Variants in GLIS1 observed in about 807,000 individuals in gnomAD.
The protein encoded by GLIS1 is GLIS family zinc finger 1, also known as zinc finger protein GLIS1.
In GLIS1, 24 loss-of-function variants were observed where a neutral mutation model predicts 63.8. The observed-to-expected ratio is 0.38, with a 90% CI of 0.27 to 0.53. The LOEUF (loss-of-function observed/expected upper bound fraction) is 0.53. GLIS1 is among the 20% of genes least tolerant of loss of function. GLIS1 has a pLI of 0.85. For synonymous variants in GLIS1, 450 were observed against 482.5 expected, an observed-to-expected ratio of 0.93 and a Z score of 0.88; for missense variants, 1,036 against 1,074.1, an observed-to-expected ratio of 0.96 and a Z score of 0.50.
chr1:53,597,331 C>T (rs530751653), intron 3 of GLIS1, among the ~76,000 whole-genome samples: 1 of 148,186 alleles, frequency 6.7e-6, no homozygotes, highest in African/African-American at 2.5e-5. Flanking sequence ...CGAGATGGCG[C>T]CATTGCACTC....
rs184275265 is a variant in GLIS1 at position 53,526,131 on chromosome 1, G to T, written c.1483-1244C>A. Among the ~76,000 whole-genome samples, 1 of 152,150 alleles carries T rather than the reference G, an allele frequency of 6.6e-6. No homozygotes were observed. The highest frequency in any genetic ancestry group is 2.4e-5 in the African/African-American group (1 of 41,420). ...CCTCTGCCCTGCTGGGACTGCAGGG[G>T]ACAGGAGAAGGATTGGAGGAAATGA... On this transcript the variant is annotated intron_variant, in intron 5 of 10. Transcript: ENST00000628545. The surrounding 1 kb of genome is among the most constrained non-coding windows in gnomAD (Gnocchi z 4.4).
intron 4 of GLIS1, among the ~76,000 whole-genome samples, chr1:53,563,518 C>T (rs1644910299): frequency 6.6e-6 from 1 of 152,090 alleles, no homozygotes; most frequent in Non-Finnish European, 1.5e-5. Flanking sequence ...GCAGATTAAA[C>T]ACAGGTAAGC....
intron 1 of GLIS1, among the ~76,000 whole-genome samples, chr1:53,738,331 A>G (rs1291484497): frequency 6.6e-6 from 1 of 152,086 alleles, no homozygotes; most frequent in Non-Finnish European, 1.5e-5. Context: ...GGAGGACCCC[A>G]GGCCCCCGCG....
chr1:53,519,082 C>CGA, intron 7 of GLIS1, among the ~76,000 whole-genome samples: 1 of 152,354 alleles, frequency 6.6e-6, no homozygotes, highest in East Asian at 1.9e-4. Flanking sequence ...ACACAGAGCT[C>CGA]CAAGTAGTCA....
rs758843944 is a variant in GLIS1, at chr1:53,506,782, A to G, written c.2231-6T>C. 3.7e-6 allele frequency: 6 copies of G among 1,607,280 alleles called. No homozygotes were observed. The Admixed American group carries it at 5.0e-5, about 13-fold the overall frequency. Reference sequence around the variant, plus strand: ...CTCAGCCAGGGCCTCATAGCCTGTGAGTGGTTGGGAAAGGGTCAGCGCTGG... The same window carrying G: ...CTCAGCCAGGGCCTCATAGCCTGTGGGTGGTTGGGAAAGGGTCAGCGCTGG... On this transcript the variant is annotated splice_polypyrimidine_tract_variant and splice_region_variant and intron_variant, in intron 10 of 10. Coordinates refer to ENST00000628545, the MANE Select transcript of GLIS1 (RefSeq NM_001367484.1).
intron 4 of GLIS1, among the ~76,000 whole-genome samples, chr1:53,563,846 GTTTTCTCTA>G (rs1283473633): frequency 1.3e-5 from 2 of 152,180 alleles, no homozygotes; most frequent in Non-Finnish European, 2.9e-5. Flanking sequence ...GAGACTGACA[GTTTTCTCTA>G]CAACAAAACA....
At chr1:53,633,720 G>A (rs758672724) in intron 2 of GLIS1, among the ~76,000 whole-genome samples, 2 of 152,012 alleles carry the variant, frequency 1.3e-5, no homozygotes, top group African/African-American at 2.4e-5. Flanking sequence ...GTTCTTGGGG[G>A]CTGTCTTATG....
In GLIS1 at chr1:53,560,023, G is replaced by A. The variant is rs1209480380; in HGVS notation, c.1321-30071C>T. Among the ~76,000 whole-genome samples the A allele has an allele frequency of 2.0e-5, 3 of 152,106 alleles. No individual in the cohort carries two copies. The South Asian group carries it at 6.2e-4, about 32-fold the overall frequency. ...GTCCAACTCAAGTGCTTCCTCCTCT[G>A]GGAAGTGCTCCCTGACTTCCCAGGC... is the stretch of plus-strand genomic sequence containing the variant. On this transcript the variant is annotated intron_variant, in intron 4 of 10. Transcript: ENST00000628545. The surrounding 1 kb of genome is among the most constrained non-coding windows in gnomAD (Gnocchi z 4.4).
At chr1:53,714,574 C>T (rs948878265) in intron 2 of GLIS1, among the ~76,000 whole-genome samples, 1 of 152,194 alleles carries the variant, frequency 6.6e-6, no homozygotes, top group African/African-American at 2.4e-5. Flanking sequence ...AGATGGTCCC[C>T]ATCTTTTCCA....
intron 2 of GLIS1, among the ~76,000 whole-genome samples, chr1:53,631,299 AT>A (rs1167324457): frequency 6.6e-6 from 1 of 152,190 alleles, no homozygotes; most frequent in Non-Finnish European, 1.5e-5. Flanking sequence ...TCTGGAATAT[AT>A]TTTGCAAGAT....
At position 53,677,016 on chromosome 1, in the gene GLIS1, G is replaced by C. The variant is rs566394503; in HGVS notation, c.259+60790C>G. ...ACACAGGTCTCTGGGACTGCATGAC[G>C]TGACATACACGGAGCCCCTAGCTGA... On this transcript the variant is annotated intron_variant, in intron 2 of 10. Coordinates refer to ENST00000628545, the MANE Select transcript of GLIS1 (RefSeq NM_001367484.1). 4.8e-4 allele frequency among the ~76,000 whole-genome samples: 73 copies of C among 152,280 alleles called. 1 individual carries two copies. Among genetic ancestry groups the C allele is most frequent in the African/African-American group, 1.7e-3 (71 of 41,550 alleles).
chr1:53,586,358 CTG>C (rs1291956007), intron 4 of GLIS1, among the ~76,000 whole-genome samples: 1 of 152,190 alleles, frequency 6.6e-6, no homozygotes, highest in Middle Eastern at 3.2e-3. Context: ...GTGCAGGAAA[CTG>C]AGGCTCAGCA....
chr1:53,603,521 TCC>T (rs1049749726), intron 2 of GLIS1, among the ~76,000 whole-genome samples: 2 of 152,206 alleles, frequency 1.3e-5, no homozygotes, highest in Admixed American at 1.3e-4. Context: ...CCCATCACGG[TCC>T]CATGTCTGCC....
At chr1:53,649,401 T>C (rs1455721363) in intron 2 of GLIS1, among the ~76,000 whole-genome samples, 1 of 152,256 alleles carries the variant, frequency 6.6e-6, no homozygotes, top group Admixed American at 6.5e-5. Flanking sequence ...TGTGAGTATC[T>C]GTGAGGTGCT....
chr1:53,572,961 A>T (rs911779394), intron 4 of GLIS1, among the ~76,000 whole-genome samples: 14 of 152,184 alleles, frequency 9.2e-5, no homozygotes, highest in Non-Finnish European at 1.3e-4. Context: ...ACCTAGCTCA[A>T]AAGTGTTAGT....
At chr1:53,513,500 C>T (rs1644319125) in intron 8 of GLIS1, among the ~76,000 whole-genome samples, 1 of 152,212 alleles carries the variant, frequency 6.6e-6, no homozygotes, top group Non-Finnish European at 1.5e-5. Context: ...TCTTGCTACT[C>T]CTTCCTCCCA....
chr1:53,687,443 G>A (rs1446174208), intron 2 of GLIS1, among the ~76,000 whole-genome samples: 1 of 152,088 alleles, frequency 6.6e-6, no homozygotes, highest in South Asian at 2.1e-4. Flanking sequence ...AGCCCGCCCC[G>A]CTTCACCAAG....
At chr1:53,626,128 A>ATGGT (rs1645591709) in intron 2 of GLIS1, among the ~76,000 whole-genome samples, 2 of 152,162 alleles carry the variant, frequency 1.3e-5, no homozygotes, top group Non-Finnish European at 2.9e-5. Flanking sequence ...AGGGCAGGGC[A>ATGGT]TGGTTCCAAG....
At chr1:53,600,046 C>T (rs929007064) in intron 3 of GLIS1, 55 bp downstream of exon 3, 17 of 1,041,494 alleles carry the variant, frequency 1.6e-5, no homozygotes, top group Non-Finnish European at 2.1e-5. Context: ...GGCCTGAGGC[C>T]CATGGTCCTG....
Sources: gnomAD v4.1 joint callset for allele counts (sites outside exome capture counted in the v4.1 genomes callset) on GRCh38, gnomAD v4.1.1 for gene constraint, Gnocchi (gnomAD v3.1) non-coding constraint, MANE v1.5 for transcripts, NCBI Gene and HGNC (gene_info 2026-07-23, HGNC 2026-07-21) for gene names.